ZNRF3: variants seen among roughly 807,000 people sequenced by gnomAD.
ZNRF3 encodes E3 ubiquitin-protein ligase ZNRF3.
Under a neutral mutation model 72.5 loss-of-function variants are expected in ZNRF3, and 23 were observed. The ratio of observed to expected loss-of-function variants is 0.32; its 90% CI spans 0.23 to 0.45. The LOEUF (loss-of-function observed/expected upper bound fraction) is 0.45. ZNRF3 is among the 20% of genes least tolerant of loss of function. The pLI, the probability that ZNRF3 is intolerant of heterozygous loss-of-function variation, is 1.00. For synonymous variants in ZNRF3, 610 were observed against 545.3 expected (o/e 1.12, Z -1.65); for missense variants, 1,169 against 1,272.1 (o/e 0.92, Z 1.23).
chr22:28,957,760 C>T (rs1474343260), intron 1 of ZNRF3, among the ~76,000 whole-genome samples: 1 of 151,980 alleles, frequency 6.6e-6, no homozygotes, highest in African/African-American at 2.4e-5. Context: ...TTTTTGAGAC[C>T]TTGGACATTA....
intron 1 of ZNRF3, among the ~76,000 whole-genome samples, chr22:28,930,231 A>G (rs191525833): frequency 3.3e-3 from 505 of 152,310 alleles, no homozygotes; most frequent in Non-Finnish European, 5.5e-3. Context: ...ATAGAATAAA[A>G]TAGTATATTT....
In ZNRF3 at chr22:29,050,085, C is replaced by T. The variant is rs367894542; in HGVS notation, c.1904C>T (p.Ala635Val). ...TCCCCGCCTCCCGAGGAGCTCCCGG[C>T]GGTGCACAGTCATGGTGCTGGGCGG... ...EGSPPPEELPAVHSHGAGRGE... is the reference protein window; with the variant it reads ...EGSPPPEELPVVHSHGAGRGE... The change falls in exon 8 of 9, where the codon GCG becomes GTG. Residue 635 changes from alanine to valine, a missense_variant. Physicochemically the swap from Ala to Val is moderately conservative, Grantham distance 64 (BLOSUM62 0). Transcript: ENST00000544604. 2.0e-5 allele frequency: 32 copies of T among 1,607,628 alleles called. No individual in the cohort carries two copies. The highest frequency in any genetic ancestry group is 8.8e-5 in the South Asian group (8 of 90,864).
intron 1 of ZNRF3, among the ~76,000 whole-genome samples, chr22:28,970,550 C>A (rs911031505): frequency 6.6e-5 from 10 of 152,186 alleles, no homozygotes; most frequent in Non-Finnish European, 1.3e-4. Context: ...TCTACGCAAA[C>A]CTACTCAAAT....
chr22:28,946,174 T>C (rs991791478), intron 1 of ZNRF3, among the ~76,000 whole-genome samples: 4 of 152,234 alleles, frequency 2.6e-5, no homozygotes, highest in African/African-American at 9.6e-5. Flanking sequence ...CCTGTAGTTT[T>C]ATAAGTTGAG....
intron 1 of ZNRF3, among the ~76,000 whole-genome samples, chr22:28,899,974 A>G (rs560336612): frequency 6.6e-6 from 1 of 152,316 alleles, no homozygotes; most frequent in East Asian, 1.9e-4. Flanking sequence ...GTCCTTTTGC[A>G]AAGGTGTGGA....
intron 2 of ZNRF3, among the ~76,000 whole-genome samples, chr22:28,999,236 A>G (rs2036101218): frequency 6.6e-6 from 1 of 151,318 alleles, no homozygotes; most frequent in Non-Finnish European, 1.5e-5. Context: ...CAGAAGGCTG[A>G]GGCAGGAGAA....
rs952095393 is a variant in ZNRF3 at position 29,030,801 on chromosome 22, G to A, written c.427-11694G>A. ...GACGGGTGGGAGTGGGGAGGAGGAG[G>A]GCTCCTGGCGCGGGGAGGAGCCGCG... On this transcript the variant is annotated intron_variant, in intron 2 of 8. Coordinates refer to ENST00000544604, the MANE Select transcript of ZNRF3 (RefSeq NM_001206998.2). The surrounding 1 kb of genome is among the most constrained non-coding windows in gnomAD (Gnocchi z 4.2). 3.9e-5 allele frequency among the ~76,000 whole-genome samples: 6 copies of A among 152,056 alleles called. No homozygotes were observed. The highest frequency in any genetic ancestry group is 2.1e-4 in the South Asian group (1 of 4,822).
intron 1 of ZNRF3, among the ~76,000 whole-genome samples, chr22:28,913,021 A>G (rs1019576070): frequency 6.6e-6 from 1 of 152,248 alleles, no homozygotes; most frequent in Non-Finnish European, 1.5e-5. Context: ...GGCTTGATTT[A>G]TCTTGGCTTG....
chr22:28,951,797 C>G (rs978117088), intron 1 of ZNRF3, among the ~76,000 whole-genome samples: 3 of 152,198 alleles, frequency 2.0e-5, no homozygotes, highest in African/African-American at 4.8e-5. Flanking sequence ...CAGAGCAGTG[C>G]TCTGTGACTG....
At chr22:29,006,312 A>G (rs1248843075) in intron 2 of ZNRF3, among the ~76,000 whole-genome samples, 1 of 146,064 alleles carries the variant, frequency 6.8e-6, no homozygotes, top group Admixed American at 7.1e-5. Flanking sequence ...CTCCCGGGTT[A>G]AAGCGATTCT....
chr22:28,929,276 G>A (rs2034663422), intron 1 of ZNRF3, among the ~76,000 whole-genome samples: 1 of 152,184 alleles, frequency 6.6e-6, no homozygotes, highest in African/African-American at 2.4e-5. Flanking sequence ...GTAGGTCTTG[G>A]GATTCCTTTT....
chr22:28,939,417 G>A (rs951983279), intron 1 of ZNRF3, among the ~76,000 whole-genome samples: 3 of 152,074 alleles, frequency 2.0e-5, no homozygotes, highest in African/African-American at 7.2e-5. Context: ...AGTATATTTA[G>A]CATAAACGTA....
intron 8 of ZNRF3, among the ~76,000 whole-genome samples, chr22:29,051,912 C>A (rs1426337065): frequency 6.6e-6 from 1 of 151,368 alleles, no homozygotes; most frequent in Non-Finnish European, 1.5e-5. Context: ...TAGGCCCCAT[C>A]CCTGTGCCCA....
intron 1 of ZNRF3, among the ~76,000 whole-genome samples, chr22:28,917,107 T>C (rs1366288827): frequency 6.6e-6 from 1 of 152,178 alleles, no homozygotes; most frequent in Non-Finnish European, 1.5e-5. Context: ...TGCCTGCCAC[T>C]GTGTGATTGC....
chr22:29,046,487 C>T (rs1455444876), intron 5 of ZNRF3, among the ~76,000 whole-genome samples: 1 of 152,056 alleles, frequency 6.6e-6, no homozygotes, highest in African/African-American at 2.4e-5. Context: ...TCAGAGAGAC[C>T]CCTGCTAGTC....
intron 2 of ZNRF3, among the ~76,000 whole-genome samples, chr22:29,032,930 T>C (rs1465528882): frequency 6.6e-6 from 1 of 152,196 alleles, no homozygotes; most frequent in Non-Finnish European, 1.5e-5. Context: ...GAATAATACC[T>C]GAACAGAGAG....
chr22:28,902,357 C>T (rs1046191876), intron 1 of ZNRF3, among the ~76,000 whole-genome samples: 14 of 151,684 alleles, frequency 9.2e-5, no homozygotes, highest in African/African-American at 2.4e-4. Context: ...CACTTTGCTA[C>T]GCAGACACCC....
At chr22:28,908,364 G>A (rs2034251370) in intron 1 of ZNRF3, among the ~76,000 whole-genome samples, 2 of 152,188 alleles carry the variant, frequency 1.3e-5, no homozygotes, top group Non-Finnish European at 2.9e-5. Flanking sequence ...TATGTTGCAT[G>A]CCAATCATGC....
Position 28,955,940 on chromosome 22 carries a change from G to A in ZNRF3, c.301-31136G>A, listed in dbSNP as rs566172569. On this transcript the variant is annotated intron_variant, in intron 1 of 8. Transcript: ENST00000544604. The stretch of plus-strand genomic sequence containing the variant: ...TCTCAAAAGAAAACCACATCAGTAA[G>A]CCATCTTCTCGTTTGCCTCACTAAC... Among the ~76,000 whole-genome samples, 75 of 152,192 alleles carry A rather than the reference G, an allele frequency of 4.9e-4. 1 individual carries two copies. In the South Asian group the frequency reaches 0.015, roughly 31 times the overall value.
Sources: gnomAD v4.1 joint callset for allele counts (sites outside exome capture counted in the v4.1 genomes callset) on GRCh38, gnomAD v4.1.1 for gene constraint, Gnocchi (gnomAD v3.1) non-coding constraint, MANE v1.5 for transcripts, NCBI Gene and HGNC (gene_info 2026-07-23, HGNC 2026-07-21) for gene names.